Variants in MYO16 observed in about 807,000 individuals in gnomAD.
MYO16 encodes myosin XVI, also known as unconventional myosin-XVI.
In MYO16, 94 loss-of-function variants were observed where a neutral mutation model predicts 205.3. The observed-to-expected ratio is 0.46, with a 90% CI of 0.39 to 0.54. The LOEUF (loss-of-function observed/expected upper bound fraction) is 0.54. Ranked by LOEUF, MYO16 falls within the 20% of genes least tolerant of loss-of-function variation. The pLI is 0.00. For synonymous variants in MYO16, 988 were observed against 954.0 expected (o/e 1.04, Z -0.66); for missense variants, 2,315 against 2,387.5 (o/e 0.97, Z 0.63).
chr13:108,748,499 T>C (rs1885132080), intron 4 of MYO16, among the ~76,000 whole-genome samples: 1 of 151,838 alleles, frequency 6.6e-6, no homozygotes, highest in Non-Finnish European at 1.5e-5. Context: ...ATAATAATAA[T>C]TGGAGCATAA....
chr13:108,722,692 A>G (rs919227900), intron 3 of MYO16, among the ~76,000 whole-genome samples: 2 of 152,228 alleles, frequency 1.3e-5, no homozygotes, highest in Admixed American at 6.5e-5. Context: ...AAGAGAGCAG[A>G]AAAGGAATTA....
intron 19 of MYO16, among the ~76,000 whole-genome samples, chr13:108,962,786 A>G (rs956553495): frequency 2.0e-5 from 3 of 152,198 alleles, no homozygotes; most frequent in African/African-American, 7.2e-5. Flanking sequence ...ATCCATTTGC[A>G]TGTGTGGTGC....
At chr13:109,174,359 A>C (rs946049005) in intron 33 of MYO16, among the ~76,000 whole-genome samples, 2 of 152,214 alleles carry the variant, frequency 1.3e-5, no homozygotes, top group African/African-American at 2.4e-5. Context: ...TTTTTAAAGA[A>C]GCTGGAGACA....
chr13:108,496,679 C>T, the MYO16 span, among the ~76,000 whole-genome samples: 1 of 152,328 alleles, frequency 6.6e-6, no homozygotes. Flanking sequence ...CCGTCAAGTT[C>T]TCTTAGTATT....
rs58023852 is a variant in MYO16 at position 109,175,353 on chromosome 13, C to T, written c.5324-4189C>T. ...CCAAAGCCTTTTCGACTTTTGCCCA[C>T]CCAAGTTTGAAGGAGCAGCAGCAGG... On this transcript the variant is annotated intron_variant, in intron 33 of 34. Coordinates refer to ENST00000457511, the MANE Select transcript of MYO16 (RefSeq NM_001198950.3). Among the ~76,000 whole-genome samples the T allele has an allele frequency of 2.2e-3, 335 of 152,270 alleles. 3 individuals are homozygous for T. Among genetic ancestry groups the T allele is most frequent in the African/African-American group, 7.7e-3 (321 of 41,554 alleles).
chr13:108,594,331 G>T (rs1038919209), upstream of MYO16, among the ~76,000 whole-genome samples: 1 of 152,170 alleles, frequency 6.6e-6, no homozygotes, highest in Non-Finnish European at 1.5e-5. Context: ...CTCACTGCCT[G>T]CATTCTCCCT....
chr13:109,069,664 A>C (rs771966596), intron 27 of MYO16, among the ~76,000 whole-genome samples: 1 of 152,048 alleles, frequency 6.6e-6, no homozygotes, highest in South Asian at 2.1e-4. Context: ...GTCAAGAAGG[A>C]GGTCGGGGGA....
chr13:108,711,146 G>A (rs1883705965), intron 2 of MYO16, among the ~76,000 whole-genome samples: 1 of 152,194 alleles, frequency 6.6e-6, no homozygotes, highest in Non-Finnish European at 1.5e-5. Context: ...ACGGTTCTTA[G>A]AAATACAGTG....
chr13:109,163,347 T>A, intron 32 of MYO16, among the ~76,000 whole-genome samples: 1 of 152,192 alleles, frequency 6.6e-6, no homozygotes, highest in Admixed American at 6.5e-5. Flanking sequence ...GTAGTGCTAT[T>A]TGAGGGTATG....
chr13:108,726,557 C>CAAAA (rs756271184), intron 3 of MYO16, among the ~76,000 whole-genome samples: 1 of 108,230 alleles, frequency 9.2e-6, no homozygotes, highest in African/African-American at 2.9e-5. Context: ...GACTCTGTTT[C>CAAAA]AAAAAAAAAA....
At chr13:108,646,043 G>A (rs1456444037) in intron 1 of MYO16, among the ~76,000 whole-genome samples, 1 of 152,192 alleles carries the variant, frequency 6.6e-6, no homozygotes, top group Non-Finnish European at 1.5e-5. Flanking sequence ...GTTTCAGGCT[G>A]ACTGTAGGTG....
intron 20 of MYO16, among the ~76,000 whole-genome samples, chr13:108,985,783 G>C (rs948373722): frequency 1.3e-5 from 2 of 152,194 alleles, no homozygotes; most frequent in African/African-American, 2.4e-5. Flanking sequence ...CTGCATTTAA[G>C]TGCTTCTCAT....
chr13:108,761,100 C>A (rs755689607), intron 4 of MYO16, among the ~76,000 whole-genome samples: 44 of 152,220 alleles, frequency 2.9e-4, no homozygotes, highest in South Asian at 1.9e-3. Context: ...TGATGGATAC[C>A]TAAATAAGGA....
At chr13:108,918,221 T>A (rs1881586005) in intron 16 of MYO16, among the ~76,000 whole-genome samples, 1 of 152,258 alleles carries the variant, frequency 6.6e-6, no homozygotes, top group African/African-American at 2.4e-5. Flanking sequence ...ATGATTTTTA[T>A]TATGAAAATA....
Position 109,140,770 on chromosome 13 carries a change from AC to A in MYO16, c.4563del (p.Val1522SerfsTer12). The part of the protein sequence containing the change: ...HRPPLLVFPP[T>X]PVTCSPASDE... ...GCCGCCCCTGCTGGTGTTCCCCCCG[AC>A]CCCCGTCACCTGCTCCCCCGCCTCC... On this transcript the variant is annotated frameshift_variant, in exon 32 of 35. Transcript: ENST00000457511. LOFTEE classifies it high-confidence loss of function. This position sits in a 1 kb window ranked among gnomAD's most constrained non-coding sequence, Gnocchi z 8.0. 6.5e-7 allele frequency: 1 copy of A among 1,529,372 alleles called. No homozygotes were observed. The highest frequency in any genetic ancestry group is 8.8e-7 in the Non-Finnish European group (1 of 1,139,946). The allele number at this position is 1,529,372 out of a possible 1,614,324, so 94.7% of individuals were successfully genotyped here.
rs1330781213 is a variant in MYO16, at chr13:109,023,616, TACAAATATATAG to T, written c.2796+3717_2796+3728del. ...AAATATAAATGTACATATTTATATA[TACAAATATATAG>T]ACAAATATATATACAAATATATGTA... On this transcript the variant is annotated intron_variant, in intron 23 of 34. Transcript: ENST00000457511. Among the ~76,000 whole-genome samples, 1,013 of 125,320 alleles carry T rather than the reference TACAAATATATAG, an allele frequency of 8.1e-3. 24 individuals are homozygous for T. The highest frequency in any genetic ancestry group is 0.03 in the African/African-American group (968 of 32,776). The allele number at this position is 125,320 out of a possible 152,430, so 82.2% of individuals were successfully genotyped here.
chr13:108,762,462 C>G (rs1201268525), intron 4 of MYO16, among the ~76,000 whole-genome samples: 2 of 152,184 alleles, frequency 1.3e-5, no homozygotes, highest in Non-Finnish European at 2.9e-5. Context: ...TTCCCGCCAA[C>G]AAGGTGTAAA....
Position 109,127,406 on chromosome 13 carries a change from T to A in MYO16, c.3907T>A (p.Phe1303Ile). The change falls in exon 31 of 35, where the codon TTC becomes ATC. Residue 1303 changes from phenylalanine (F) to isoleucine (I), a missense_variant. Coordinates refer to ENST00000457511, the MANE Select transcript of MYO16 (RefSeq NM_001198950.3). This position sits in a 1 kb window ranked among gnomAD's most constrained non-coding sequence, Gnocchi z 4.2. ...SIWSPSLHSVFSMDDSSSLPS... is the reference protein window; with the variant it reads ...SIWSPSLHSVISMDDSSSLPS... ...CTGGTCTCCTTCGCTGCACTCGGTG[T>A]TCAGCATGGATGACAGCAGCAGCCT... The A allele has an allele frequency of 6.2e-7, 1 of 1,613,970 alleles. No homozygotes were observed. The highest frequency in any genetic ancestry group is 8.5e-7 in the Non-Finnish European group (1 of 1,179,990).
chr13:109,017,573 C>T (rs1594472640), intron 22 of MYO16, among the ~76,000 whole-genome samples: 1 of 152,256 alleles, frequency 6.6e-6, no homozygotes, highest in Non-Finnish European at 1.5e-5. Context: ...ACTTGGTTCC[C>T]TTCTCCCTGT....
Sources: gnomAD v4.1 joint callset for allele counts (sites outside exome capture counted in the v4.1 genomes callset) on GRCh38, gnomAD v4.1.1 for gene constraint, Gnocchi (gnomAD v3.1) non-coding constraint, MANE v1.5 for transcripts, NCBI Gene and HGNC (gene_info 2026-07-23, HGNC 2026-07-21) for gene names.